Variants in PARD3B observed in about 807,000 individuals in gnomAD.
The protein encoded by PARD3B is par-3 family cell polarity regulator beta.
Under a neutral mutation model 130.2 loss-of-function variants are expected in PARD3B, and 103 were observed. That is an observed-to-expected ratio of 0.79 (90% CI 0.67 to 0.93). The LOEUF is 0.93. Ranked by LOEUF, PARD3B falls within the 40% of genes least tolerant of loss-of-function variation. PARD3B has a pLI of 0.00. For missense variants in PARD3B, 1,609 were observed against 1,499.2 expected, an observed-to-expected ratio of 1.07 and a Z score of -1.21; for synonymous variants, 583 against 553.2, an observed-to-expected ratio of 1.05 and a Z score of -0.76.
At position 205,122,060 on chromosome 2, in the gene PARD3B, A is replaced by G. The variant is rs16836979; in HGVS notation, c.1165+111A>G. On this transcript the variant is annotated intron_variant, in intron 8 of 22. Transcript: ENST00000406610. The surrounding 1 kb of genome is among the most constrained non-coding windows in gnomAD (Gnocchi z 4.3). ...AATTCTCCCTTCATTTAATTGTATC[A>G]AAGAATAGATTTAAGTGTATACTTA... The G allele has an allele frequency of 3.4e-4, 321 of 943,712 alleles. 3 individuals are homozygous for G. In the African/African-American group the frequency reaches 5.1e-3, roughly 15 times the overall value. 58.5% of individuals were successfully genotyped at this position (943,712 alleles called of 1,614,324 possible).
At chr2:205,533,278 T>C (rs1479328230) in intron 21 of PARD3B, among the ~76,000 whole-genome samples, 1 of 152,192 alleles carries the variant, frequency 6.6e-6, no homozygotes, top group Admixed American at 6.6e-5. Context: ...AATTTAGCAG[T>C]GAGACTGGTA....
chr2:205,090,481 G>A (rs1056075991), intron 4 of PARD3B, among the ~76,000 whole-genome samples: 2 of 152,148 alleles, frequency 1.3e-5, no homozygotes, highest in African/African-American at 4.8e-5. Flanking sequence ...TTTCTCTGGG[G>A]TTTGTTATTT....
chr2:204,756,902 C>T (rs1210696978), intron 2 of PARD3B, among the ~76,000 whole-genome samples: 1 of 152,070 alleles, frequency 6.6e-6, no homozygotes, highest in Non-Finnish European at 1.5e-5. Flanking sequence ...TTTTTCAACC[C>T]TTTTCCTCCT....
chr2:204,635,995 G>T (rs1472557958), intron 1 of PARD3B, among the ~76,000 whole-genome samples: 2 of 151,970 alleles, frequency 1.3e-5, no homozygotes, highest in Non-Finnish European at 2.9e-5. Context: ...TCTTTAATGG[G>T]TCTTCCTCTC....
intron 2 of PARD3B, among the ~76,000 whole-genome samples, chr2:204,766,934 T>A (rs1365713434): frequency 1.3e-5 from 2 of 150,352 alleles, no homozygotes; most frequent in Non-Finnish European, 3.0e-5. Context: ...TGGAGTATTC[T>A]GCTCTCTGCT....
At chr2:204,713,093 T>G (rs756913005) in intron 2 of PARD3B, among the ~76,000 whole-genome samples, 2 of 152,166 alleles carry the variant, frequency 1.3e-5, no homozygotes, top group Non-Finnish European at 2.9e-5. Flanking sequence ...GATTTTTGCT[T>G]CTTCCTGTTG....
intron 1 of PARD3B, among the ~76,000 whole-genome samples, chr2:204,636,284 A>G (rs77316253): frequency 0.019 from 2,917 of 152,100 alleles, 87 homozygotes; most frequent in African/African-American, 0.067. Context: ...CTTTCCTTTG[A>G]TGGGACCTAA....
chr2:205,428,042 G>T (rs2047203523), intron 19 of PARD3B, among the ~76,000 whole-genome samples: 1 of 152,088 alleles, frequency 6.6e-6, no homozygotes, highest in East Asian at 1.9e-4. Context: ...AGGAGGTGGG[G>T]CCTTTGAGAA....
chr2:205,478,454 T>A (rs1295202761), intron 20 of PARD3B, among the ~76,000 whole-genome samples: 1 of 152,230 alleles, frequency 6.6e-6, no homozygotes, highest in East Asian at 1.9e-4. Flanking sequence ...ATGGACTTCC[T>A]GGGCAGCAAG....
chr2:205,259,766 C>G (rs1430406707), intron 16 of PARD3B, among the ~76,000 whole-genome samples: 3 of 152,226 alleles, frequency 2.0e-5, no homozygotes, highest in African/African-American at 4.8e-5. Flanking sequence ...ACTCTGCACT[C>G]CATTCTGAGT....
chr2:205,360,374 T>A (rs2044345895), intron 18 of PARD3B, among the ~76,000 whole-genome samples: 1 of 152,206 alleles, frequency 6.6e-6, no homozygotes, highest in Non-Finnish European at 1.5e-5. Context: ...TCATATTATT[T>A]TCATTAGAGG....
In PARD3B at chr2:205,301,737, T is replaced by C; in HGVS notation, c.2630+36T>C. The C allele has an allele frequency of 6.2e-7, 1 of 1,613,830 alleles. No individual in the cohort carries two copies. The highest frequency in any genetic ancestry group is 1.7e-5 in the Admixed American group (1 of 59,980). ...GCTTTGAAGGCAAAGTTGGTTCTCA[T>C]TTTGTCTCTCCTGGTAAAATCACTC... On this transcript the variant is annotated intron_variant, in intron 18 of 22. Coordinates refer to ENST00000406610, the MANE Select transcript of PARD3B (RefSeq NM_001302769.2). This position sits in a 1 kb window ranked among gnomAD's most constrained non-coding sequence, Gnocchi z 5.2.
chr2:205,499,984 G>A lies in PARD3B; in HGVS notation c.3133G>A (p.Glu1045Lys), dbSNP rs1233524667. Reference sequence around the variant, plus strand: ...TCGGAGGGAAGGTTTCCCTTTATATGAAGACGACGAAGGAAGAGCAAGGCC... The same window carrying A: ...TCGGAGGGAAGGTTTCCCTTTATATAAAGACGACGAAGGAAGAGCAAGGCC... ...QARREGFPLYEDDEGRARPSE... is the reference protein window; with the variant it reads ...QARREGFPLYKDDEGRARPSE... The change falls in exon 21 of 23, where the codon GAA (glutamate) becomes AAA (lysine). Residue 1045 changes from glutamate to lysine, a missense_variant. Physicochemically the swap from Glu to Lys is moderately conservative, Grantham distance 56. Coordinates refer to ENST00000406610, the MANE Select transcript of PARD3B (RefSeq NM_001302769.2). The A allele has an allele frequency of 6.2e-7, 1 of 1,613,900 alleles. No homozygotes were observed. Among genetic ancestry groups the A allele is most frequent in the African/African-American group, 1.3e-5 (1 of 75,032 alleles).
chr2:205,299,561 T>TTATATATATATTATA (rs57788108), intron 16 of PARD3B, among the ~76,000 whole-genome samples: 23 of 17,256 alleles, frequency 1.3e-3, no homozygotes, highest in African/African-American at 2.3e-3. Context: ...ATATTATATA[T>TTATATATATATTATA]TATATATATA....
At chr2:204,814,423 T>C (rs2043071746) in intron 2 of PARD3B, among the ~76,000 whole-genome samples, 2 of 151,804 alleles carry the variant, frequency 1.3e-5, no homozygotes, top group African/African-American at 4.8e-5. Context: ...TAACATAAAC[T>C]GTAGGATATA....
At chr2:204,980,146 A>G (rs1692539942) in intron 3 of PARD3B, among the ~76,000 whole-genome samples, 1 of 152,240 alleles carries the variant, frequency 6.6e-6, no homozygotes, top group African/African-American at 2.4e-5. Flanking sequence ...ATCCTGCTCA[A>G]TAGAAAAATA....
At chr2:204,576,652 G>T (rs571301493) in intron 1 of PARD3B, among the ~76,000 whole-genome samples, 7 of 152,140 alleles carry the variant, frequency 4.6e-5, no homozygotes, top group South Asian at 4.2e-4. Flanking sequence ...CTTGAGTGTG[G>T]TTATATTATA....
intron 2 of PARD3B, among the ~76,000 whole-genome samples, chr2:204,947,772 A>C (rs748073062): frequency 6.6e-6 from 1 of 152,202 alleles, no homozygotes; most frequent in African/African-American, 2.4e-5. Context: ...TTGTTGATTT[A>C]AAGAGATCTA....
At chr2:204,640,105 T>C (rs940458085) in intron 1 of PARD3B, among the ~76,000 whole-genome samples, 4 of 151,908 alleles carry the variant, frequency 2.6e-5, no homozygotes, top group African/African-American at 9.7e-5. Flanking sequence ...AATTAAAAAA[T>C]TAGCTGGATG....
Sources: gnomAD v4.1 joint callset for allele counts (sites outside exome capture counted in the v4.1 genomes callset) on GRCh38, gnomAD v4.1.1 for gene constraint, Gnocchi (gnomAD v3.1) non-coding constraint, MANE v1.5 for transcripts, NCBI Gene and HGNC (gene_info 2026-07-23, HGNC 2026-07-21) for gene names.